The following VWF variants were observed in gnomAD, a reference collection of about 807,000 sequenced individuals.
VWF encodes Factor VIII related antigen.
Under a neutral mutation model 308.6 loss-of-function variants are expected in VWF, and 176 were observed. The ratio of observed to expected loss-of-function variants is 0.57; its 90% confidence interval spans 0.50 to 0.65. The LOEUF (loss-of-function observed/expected upper bound fraction) is 0.65. Ranked by LOEUF, VWF falls within the 30% of genes least tolerant of loss-of-function variation. VWF has a pLI of 0.00. For missense variants in VWF, 3,146 were observed against 3,648.2 expected, an observed-to-expected ratio of 0.86 and a Z score of 3.55; for synonymous variants, 1,385 against 1,443.4, an observed-to-expected ratio of 0.96 and a Z score of 0.92.
chr12:5,988,941 C>T (rs1292815593), intron 38 of VWF, among the ~76,000 whole-genome samples: 2 of 152,202 alleles, frequency 1.3e-5, no homozygotes, highest in Admixed American at 1.3e-4. Flanking sequence ...ATTTTCAAGG[C>T]CCAAGGTCAA....
intron 5 of VWF, among the ~76,000 whole-genome samples, 186 bp downstream of exon 5, chr12:6,110,188 A>C (rs1945290807): frequency 6.6e-6 from 1 of 152,196 alleles, no homozygotes; most frequent in Non-Finnish European, 1.5e-5. Context: ...AGGAGCTCTA[A>C]GACCTGGTTT....
intron 6 of VWF, among the ~76,000 whole-genome samples, chr12:6,091,531 A>G (rs1945034886): frequency 6.6e-6 from 1 of 152,126 alleles, no homozygotes; most frequent in Admixed American, 6.6e-5. Flanking sequence ...GAAACACATA[A>G]TGAAAGAGTT....
rs375250352 is a variant in VWF at position 6,016,062 on chromosome 12, A to C, written c.5455+27T>G. 3.1e-6 allele frequency: 5 copies of C among 1,613,784 alleles called. No individual in the cohort carries two copies. The African/African-American group carries it at 6.7e-5, about 22-fold the overall frequency. On this transcript the variant is annotated intron_variant, in intron 31 of 51. Transcript: ENST00000261405. ...CATTTCTGAAGTCTCGCTCTCCTGAATTGAGGACTGTACACCAGATTCTTA... is the reference window on the plus strand; with the variant it reads ...CATTTCTGAAGTCTCGCTCTCCTGACTTGAGGACTGTACACCAGATTCTTA...
Position 6,016,539 on chromosome 12 carries a change from C to A in VWF, c.5288G>T (p.Arg1763Leu). ...ACCGATTTGGCTGGGGCCTCCCTCC[C>A]GCTGCATGACGTCCACAAGGCTCAG... Reference protein sequence around the residue: ...HLLSLVDVMQREGGPSQIGDA... With the variant: ...HLLSLVDVMQLEGGPSQIGDA... The change falls in exon 30 of 52, where the codon CGG becomes CTG. Residue 1763 changes from arginine (R) to leucine (L), a missense_variant. This residue lies in a region of VWF where 853 missense variants were observed against 1,177.8 expected (regional missense o/e 0.72). Coordinates refer to ENST00000261405, the MANE Select transcript of VWF (RefSeq NM_000552.5). 1 of 1,614,124 alleles carries A rather than the reference C, an allele frequency of 6.2e-7. No homozygotes were observed. Among genetic ancestry groups the A allele is most frequent in the Non-Finnish European group, 8.5e-7 (1 of 1,180,040 alleles).
intron 31 of VWF, among the ~76,000 whole-genome samples, chr12:6,013,887 C>T (rs1591859184): frequency 6.6e-6 from 1 of 151,684 alleles, no homozygotes; most frequent in Admixed American, 6.6e-5. Flanking sequence ...CCCTGTCCCC[C>T]GTCCTCATGG....
intron 34 of VWF, among the ~76,000 whole-genome samples, chr12:5,999,529 T>C (rs1283107030): frequency 6.7e-6 from 1 of 149,630 alleles, no homozygotes; most frequent in African/African-American, 2.5e-5. Flanking sequence ...TTTTCTATAC[T>C]AATAGAAAGG....
intron 47 of VWF, among the ~76,000 whole-genome samples, chr12:5,964,226 A>ACATACATACATACATACATACATG (rs1230781141): frequency 7.0e-4 from 89 of 126,716 alleles, no homozygotes; most frequent in Middle Eastern, 3.8e-3. Context: ...AAAAATACAT[A>ACATACATACATACATACATACATG]CATACATACA....
intron 24 of VWF, 40 bp from the exon 25 acceptor site, chr12:6,023,827 G>T: frequency 6.2e-7 from 1 of 1,606,878 alleles, no homozygotes; most frequent in South Asian, 1.1e-5. Context: ...CTATGGCCAG[G>T]TGTCAGGAAC....
At chr12:6,029,208 T>C in intron 22 of VWF, 134 bp downstream of exon 22, 2 of 1,131,124 alleles carry the variant, frequency 1.8e-6, no homozygotes, top group Non-Finnish European at 2.6e-6. Flanking sequence ...AAGAGCTAAC[T>C]ATCCTAAATA....
intron 18 of VWF, among the ~76,000 whole-genome samples, chr12:6,042,425 T>C (rs141739865): frequency 1.1e-3 from 162 of 152,298 alleles, no homozygotes; most frequent in African/African-American, 3.8e-3. Flanking sequence ...ATTTTCTTTG[T>C]GTTATGGCCA....
At chr12:6,071,120 TGGGTTA>T (rs748243393) in intron 10 of VWF, among the ~76,000 whole-genome samples, 171 bp downstream of exon 10, 54 of 152,236 alleles carry the variant, frequency 3.5e-4, no homozygotes, top group Non-Finnish European at 7.1e-4. Context: ...GGCCTGTGAA[TGGGTTA>T]GCATAGCTGG....
At chr12:6,103,721 T>C (rs2136512821) in intron 5 of VWF, among the ~76,000 whole-genome samples, 1 of 151,908 alleles carries the variant, frequency 6.6e-6, no homozygotes, top group African/African-American at 2.4e-5. Context: ...TGCAGAAGAA[T>C]GAAACTGGAC....
chr12:6,067,464 T>C (rs1944729264), intron 10 of VWF, among the ~76,000 whole-genome samples: 1 of 152,234 alleles, frequency 6.6e-6, no homozygotes, highest in African/African-American at 2.4e-5. Context: ...GGCCAGCATC[T>C]AATCGTCTCA....
At chr12:6,123,849 C>T (rs1043514507) in intron 1 of VWF, among the ~76,000 whole-genome samples, 3 of 152,106 alleles carry the variant, frequency 2.0e-5, no homozygotes, top group Admixed American at 6.5e-5. Flanking sequence ...CACTGTGTGA[C>T]CCCCAAGAGA....
At chr12:6,057,705 T>A (rs1430289758) in intron 14 of VWF, 144 bp downstream of exon 14, 1 of 965,496 alleles carries the variant, frequency 1.0e-6, no homozygotes, top group African/African-American at 1.7e-5. Flanking sequence ...GATCAAGTGC[T>A]GACGGTAAAA....
chr12:6,021,961 G>T lies in VWF; in HGVS notation c.3613C>A (p.Arg1205Ser). 2.5e-6 allele frequency: 4 copies of T among 1,614,142 alleles called. No individual in the cohort carries two copies. Among genetic ancestry groups the T allele is most frequent in the Non-Finnish European group, 3.4e-6 (4 of 1,180,034 alleles). Reference sequence around the variant, plus strand: ...GTGACTTTCTTTCCTGAGGCAAAACGCCGGCCAGCCACCTCACACACTGGA... The same window carrying T: ...GTGACTTTCTTTCCTGAGGCAAAACTCCGGCCAGCCACCTCACACACTGGA... Reference protein sequence around the residue: ...DCPVCEVAGRRFASGKKVTLN... With the variant: ...DCPVCEVAGRSFASGKKVTLN... Residue 1205 changes from arginine to serine, a missense_variant, in exon 27 of 52, where the codon CGT becomes AGT. Physicochemically the swap from Arg to Ser is moderately radical, Grantham distance 110. Coordinates refer to ENST00000261405, the MANE Select transcript of VWF (RefSeq NM_000552.5).
At chr12:6,035,135 A>G (rs1944321317) in intron 19 of VWF, among the ~76,000 whole-genome samples, 1 of 152,174 alleles carries the variant, frequency 6.6e-6, no homozygotes, top group Admixed American at 6.5e-5. Flanking sequence ...GCCTCCTGTT[A>G]TGAATTCGCT....
At chr12:6,051,807 T>C (rs1401789093) in intron 16 of VWF, among the ~76,000 whole-genome samples, 1 of 152,072 alleles carries the variant, frequency 6.6e-6, no homozygotes, top group African/African-American at 2.4e-5. Context: ...GGACAGGGCC[T>C]CACTATGTTG....
rs780840625 is a variant in VWF at position 6,019,672 on chromosome 12, T to C, written c.3746A>G (p.Asp1249Gly). ...EPGGLVVPPT[D>G]APVSPTTLYV... The stretch of plus-strand genomic sequence containing the variant: ...CAGAGTGGTGGGGCTCACCGGGGCA[T>C]CTGTGGGAGGCACCACCAGGCCTCC... The change falls in exon 28 of 52, where the codon GAT (aspartate) becomes GGT (glycine). Residue 1249 changes from aspartate to glycine, a missense_variant. Asp to Gly is a moderately conservative substitution (Grantham distance 94, BLOSUM62 -1). Transcript: ENST00000261405. This position sits in a 1 kb window ranked among gnomAD's most constrained non-coding sequence, Gnocchi z 5.8. 6.2e-7 allele frequency: 1 copy of C among 1,613,674 alleles called. No individual in the cohort carries two copies. The highest frequency in any genetic ancestry group is 8.5e-7 in the Non-Finnish European group (1 of 1,179,796).
Sources: allele counts gnomAD v4.1 joint callset (sites outside exome capture counted in the v4.1 genomes callset), GRCh38; gene constraint gnomAD v4.1.1; regional missense constraint gnomAD v4.1.1; non-coding constraint Gnocchi (gnomAD v3.1); transcripts MANE v1.5; gene names NCBI Gene and HGNC (gene_info 2026-07-23, HGNC 2026-07-21).